ACOXL: variants seen among roughly 807,000 people sequenced by gnomAD.
ACOXL encodes acyl-coenzyme A oxidase-like protein.
A neutral mutation model predicts 71.9 loss-of-function variants in ACOXL; 70 were observed. That is an observed-to-expected ratio of 0.97 (90% CI 0.80 to 1.19). ACOXL has a LOEUF of 1.19. Among genes scored for constraint, ACOXL ranks in the 50% most tolerant of loss-of-function variants. The probability of loss-of-function intolerance (pLI) is 0.00; values close to 1 mark genes in which losing one functional copy is unlikely to be tolerated. For missense variants in ACOXL, 703 were observed against 736.3 expected (o/e 0.95, Z 0.52); for synonymous variants, 253 against 281.6 (o/e 0.90, Z 1.02).
At chr2:110,804,220 C>T (rs1020508658) in intron 8 of ACOXL, among the ~76,000 whole-genome samples, 5 of 152,048 alleles carry the variant, frequency 3.3e-5, no homozygotes, top group Non-Finnish European at 5.9e-5. Context: ...ATCCTGACTT[C>T]GGATGATCCT....
At chr2:111,042,796 G>A (rs1393999538) in intron 15 of ACOXL, among the ~76,000 whole-genome samples, 3 of 152,126 alleles carry the variant, frequency 2.0e-5, no homozygotes, top group Middle Eastern at 3.2e-3. Flanking sequence ...TCCTGGCTTC[G>A]GGGGATGCGG....
chr2:110,774,698 A>G (rs942958439), intron 2 of ACOXL, among the ~76,000 whole-genome samples: 3 of 152,252 alleles, frequency 2.0e-5, no homozygotes, highest in South Asian at 2.1e-4. Context: ...AAGGCATCCT[A>G]TGTTCATGAA....
At chr2:110,780,078 A>G (rs373602777) in intron 2 of ACOXL, among the ~76,000 whole-genome samples, 86 of 152,370 alleles carry the variant, frequency 5.6e-4, no homozygotes, top group African/African-American at 2.0e-3. Context: ...GTGTCCAGAT[A>G]TAAAGGATTT....
Position 111,049,270 on chromosome 2 carries a change from C to T in ACOXL, c.1422C>T (p.Asp474=), listed in dbSNP as rs532871393. The T allele has an allele frequency of 6.2e-7, 1 of 1,611,282 alleles. No homozygotes were observed. The highest frequency in any genetic ancestry group is 1.7e-5 in the Admixed American group (1 of 60,024). ...LAVKSCPDQE[D]QTLLMKFCLL... Reference sequence around the variant, plus strand: ...TGAAGAGCTGTCCTGACCAAGAGGACCAGACTTTGTTAATGAAGGTAGGTT... The same window carrying T: ...TGAAGAGCTGTCCTGACCAAGAGGATCAGACTTTGTTAATGAAGGTAGGTT... The change falls in exon 16 of 18, where the codon GAC becomes GAT. Residue 474 remains aspartate, a synonymous_variant. Coordinates refer to ENST00000439055, the MANE Select transcript of ACOXL (RefSeq NM_001142807.4).
intron 12 of ACOXL, among the ~76,000 whole-genome samples, chr2:110,950,237 G>A (rs1474622438): frequency 6.6e-6 from 1 of 151,960 alleles, no homozygotes; most frequent in African/African-American, 2.4e-5. Flanking sequence ...GGAAAAAATC[G>A]CTCCCCAGTG....
chr2:110,930,747 T>C (rs1308022015), intron 11 of ACOXL, among the ~76,000 whole-genome samples: 3 of 152,000 alleles, frequency 2.0e-5, no homozygotes, highest in African/African-American at 7.2e-5. Context: ...ATAAGTCTCA[T>C]GAGATCTAGT....
intron 10 of ACOXL, among the ~76,000 whole-genome samples, chr2:110,876,775 C>G (rs1222236871): frequency 6.6e-6 from 1 of 152,094 alleles, no homozygotes; most frequent in Non-Finnish European, 1.5e-5. Flanking sequence ...ATTCTTTCAG[C>G]AATGTTTGTT....
chr2:110,997,856 C>A (rs1216734342), intron 14 of ACOXL, among the ~76,000 whole-genome samples: 1 of 152,124 alleles, frequency 6.6e-6, no homozygotes, highest in Non-Finnish European at 1.5e-5. Flanking sequence ...GGAGACCAGC[C>A]TGGGCAACAT....
intron 16 of ACOXL, among the ~76,000 whole-genome samples, chr2:111,057,019 TCAGCACCTTGGAGTGGGCTA>T (rs2066574336): frequency 6.6e-6 from 1 of 152,130 alleles, no homozygotes; most frequent in Admixed American, 6.5e-5. Context: ...GACAGACACT[TCAGCACCTTGGAGTGGGCTA>T]AGTGCCGAGA....
intron 10 of ACOXL, among the ~76,000 whole-genome samples, chr2:110,882,930 T>C (rs1025515052): frequency 9.9e-5 from 15 of 152,166 alleles, no homozygotes; most frequent in Admixed American, 9.8e-4. Flanking sequence ...ATTTCAAAGA[T>C]TGTTTCTCAT....
intron 10 of ACOXL, among the ~76,000 whole-genome samples, chr2:110,890,411 T>C (rs1697800484): frequency 6.6e-6 from 1 of 152,212 alleles, no homozygotes; most frequent in Non-Finnish European, 1.5e-5. Flanking sequence ...GAGGATTTGC[T>C]GCTATGCTAT....
chr2:110,951,045 T>C (rs1270379713), intron 12 of ACOXL, among the ~76,000 whole-genome samples: 1 of 152,192 alleles, frequency 6.6e-6, no homozygotes, highest in Non-Finnish European at 1.5e-5. Flanking sequence ...ATGGTGTTTC[T>C]CAGATCAAAT....
chr2:110,736,942 C>A (rs532994603), intron 1 of ACOXL, among the ~76,000 whole-genome samples: 4 of 152,264 alleles, frequency 2.6e-5, no homozygotes, highest in South Asian at 2.1e-4. Flanking sequence ...ATTCTTGTAT[C>A]TGTTGATAGA....
intron 11 of ACOXL, among the ~76,000 whole-genome samples, chr2:110,926,154 A>G (rs1019588501): frequency 6.6e-6 from 1 of 152,196 alleles, no homozygotes; most frequent in African/African-American, 2.4e-5. Context: ...ACAGATCACC[A>G]TAACAGATAC....
chr2:110,787,970 A>C (rs972335379), intron 3 of ACOXL, among the ~76,000 whole-genome samples: 2 of 152,192 alleles, frequency 1.3e-5, no homozygotes, highest in African/African-American at 2.4e-5. Flanking sequence ...GTCTCTTACT[A>C]CCACAAGAGG....
At chr2:110,837,297 G>A (rs1573761528) in intron 9 of ACOXL, among the ~76,000 whole-genome samples, 3 of 152,110 alleles carry the variant, frequency 2.0e-5, no homozygotes, top group South Asian at 2.1e-4. Flanking sequence ...TCAAAAGATC[G>A]GATTCCCAGT....
intron 16 of ACOXL, among the ~76,000 whole-genome samples, chr2:111,057,311 A>C (rs1421839130): frequency 6.6e-6 from 1 of 152,172 alleles, no homozygotes; most frequent in East Asian, 1.9e-4. Flanking sequence ...TAGGGGCCCC[A>C]GACAGCTGCC....
At chr2:110,808,182 A>T (rs984251230) in intron 9 of ACOXL, among the ~76,000 whole-genome samples, 2 of 152,100 alleles carry the variant, frequency 1.3e-5, no homozygotes, top group Non-Finnish European at 2.9e-5. Flanking sequence ...AGGCTGGGAA[A>T]CCTTTTCAGA....
At chr2:111,014,878 T>C (rs2064352970) in intron 14 of ACOXL, among the ~76,000 whole-genome samples, 1 of 152,210 alleles carries the variant, frequency 6.6e-6, no homozygotes, top group Admixed American at 6.5e-5. Context: ...ATGAAAAGAA[T>C]TTTTTAATAG....
Sources: allele counts gnomAD v4.1 joint callset (sites outside exome capture counted in the v4.1 genomes callset), GRCh38; gene constraint gnomAD v4.1.1; transcripts MANE v1.5; gene names NCBI Gene and HGNC (gene_info 2026-07-23, HGNC 2026-07-21).